ARHGAP24: variants seen among roughly 807,000 people sequenced by gnomAD.
ARHGAP24 encodes Rho GTPase activating protein 24, also known as rho GTPase-activating protein 24.
ARHGAP24 carries 50 observed loss-of-function variants against 76.4 expected under a neutral mutation model. The ratio of observed to expected loss-of-function variants is 0.65; its 90% CI spans 0.52 to 0.83. The LOEUF (loss-of-function observed/expected upper bound fraction) is 0.83. Ranked by LOEUF, ARHGAP24 falls within the 40% of genes least tolerant of loss-of-function variation. ARHGAP24 has a pLI of 0.00. For missense variants in ARHGAP24, 930 were observed against 914.2 expected (o/e 1.02, Z -0.22); for synonymous variants, 345 against 323.3 (o/e 1.07, Z -0.72).
intron 2 of ARHGAP24, among the ~76,000 whole-genome samples, chr4:85,633,737 T>G (rs1389359247): frequency 6.6e-6 from 1 of 151,842 alleles, no homozygotes; most frequent in Non-Finnish European, 1.5e-5. Flanking sequence ...AATTAATAGT[T>G]CAAAAGACAT....
At chr4:85,902,106 G>A (rs1734527916) in intron 3 of ARHGAP24, among the ~76,000 whole-genome samples, 1 of 152,146 alleles carries the variant, frequency 6.6e-6, no homozygotes. Context: ...TGAGTTTGCT[G>A]AGAATGATGG....
At chr4:85,539,866 C>T (rs532734852) in intron 1 of ARHGAP24, among the ~76,000 whole-genome samples, 6 of 152,046 alleles carry the variant, frequency 3.9e-5, no homozygotes, top group Non-Finnish European at 8.8e-5. Context: ...ACCAGCCTGC[C>T]AACATTGTGA....
chr4:85,579,161 A>T (rs1727505429), intron 2 of ARHGAP24, among the ~76,000 whole-genome samples: 1 of 152,032 alleles, frequency 6.6e-6, no homozygotes, highest in Non-Finnish European at 1.5e-5. Flanking sequence ...CTGGTTTCTC[A>T]GCACCAGTTG....
intron 5 of ARHGAP24, among the ~76,000 whole-genome samples, chr4:85,961,580 TGTG>T (rs1262690482): frequency 1.3e-5 from 2 of 152,078 alleles, no homozygotes; most frequent in Admixed American, 6.6e-5. Flanking sequence ...TCTCTAAACT[TGTG>T]GTGAATATGG....
At chr4:85,502,364 G>A (rs936650624) in intron 1 of ARHGAP24, among the ~76,000 whole-genome samples, 2 of 152,118 alleles carry the variant, frequency 1.3e-5, no homozygotes, top group African/African-American at 4.8e-5. Context: ...AGCATGGAAT[G>A]TTCTTCCATT....
intron 3 of ARHGAP24, among the ~76,000 whole-genome samples, chr4:85,848,907 G>C (rs115400104): frequency 6.6e-6 from 1 of 152,078 alleles, no homozygotes; most frequent in Non-Finnish European, 1.5e-5. Context: ...TTCTTTTTGC[G>C]TAGGACTGTC....
chr4:85,731,942 C>T (rs1423092362), intron 3 of ARHGAP24, among the ~76,000 whole-genome samples: 1 of 152,106 alleles, frequency 6.6e-6, no homozygotes, highest in African/African-American at 2.4e-5. Flanking sequence ...CATTAATACA[C>T]CAATAGTGTC....
At chr4:85,591,715 T>A (rs561737237) in intron 2 of ARHGAP24, among the ~76,000 whole-genome samples, 1 of 152,302 alleles carries the variant, frequency 6.6e-6, no homozygotes, top group Admixed American at 6.5e-5. Flanking sequence ...TCACGTGCAC[T>A]CTGACATTTT....
intron 1 of ARHGAP24, among the ~76,000 whole-genome samples, chr4:85,562,308 A>G (rs770649043): frequency 2.0e-5 from 3 of 152,224 alleles, no homozygotes; most frequent in Non-Finnish European, 4.4e-5. Flanking sequence ...TGTGATTACT[A>G]TGATAGTAAT....
chr4:85,881,619 T>C (rs1289714823), intron 3 of ARHGAP24, among the ~76,000 whole-genome samples: 1 of 129,818 alleles, frequency 7.7e-6, no homozygotes, highest in Non-Finnish European at 1.6e-5. Context: ...GCTTTCAAAT[T>C]GTGAAGCATA....
intron 2 of ARHGAP24, among the ~76,000 whole-genome samples, chr4:85,721,486 A>C (rs1248947851): frequency 6.6e-6 from 1 of 152,130 alleles, no homozygotes; most frequent in Admixed American, 6.6e-5. Context: ...GGCTTATCAC[A>C]ACTATGTCTA....
At chr4:85,758,019 A>G (rs1011088711) in intron 3 of ARHGAP24, among the ~76,000 whole-genome samples, 36 of 152,062 alleles carry the variant, frequency 2.4e-4, no homozygotes, top group Middle Eastern at 3.2e-3. Context: ...CCAATTCTTT[A>G]GGAACTTTCT....
intron 2 of ARHGAP24, among the ~76,000 whole-genome samples, chr4:85,642,880 T>C (rs527997422): frequency 1.3e-5 from 2 of 152,264 alleles, no homozygotes; most frequent in East Asian, 1.9e-4. Flanking sequence ...GAACAGAAGC[T>C]ATAAAGTCCC....
chr4:85,740,535 A>T (rs1354525018), intron 3 of ARHGAP24, among the ~76,000 whole-genome samples: 1 of 151,992 alleles, frequency 6.6e-6, no homozygotes, highest in Non-Finnish European at 1.5e-5. Context: ...CATCTTTTTC[A>T]TATCTATTAC....
At chr4:85,776,346 C>T (rs994453904) in intron 3 of ARHGAP24, among the ~76,000 whole-genome samples, 2 of 152,168 alleles carry the variant, frequency 1.3e-5, no homozygotes, top group South Asian at 4.1e-4. Context: ...CTTCAAAATA[C>T]AGTGAGTATT....
chr4:85,793,712 T>C lies in ARHGAP24; in HGVS notation c.268+71740T>C, dbSNP rs138946945. 1.2e-4 allele frequency among the ~76,000 whole-genome samples: 18 copies of C among 152,276 alleles called. No homozygotes were observed. The East Asian group carries it at 3.3e-3, about 28-fold the overall frequency. ...CACAAAAATAGAATGTTCTTATGTG[T>C]ACATAGAAAAGAAAATATAAGTAGT... On this transcript the variant is annotated intron_variant, in intron 3 of 9. Transcript: ENST00000395184.
At chr4:85,971,653 G>T (rs183667240) in intron 5 of ARHGAP24, among the ~76,000 whole-genome samples, 69 of 152,102 alleles carry the variant, frequency 4.5e-4, no homozygotes, top group African/African-American at 1.6e-3. Context: ...ATTTTTAAAT[G>T]TGCAATAAAT....
At chr4:85,916,225 G>T (rs895446199) in intron 3 of ARHGAP24, among the ~76,000 whole-genome samples, 20 of 148,128 alleles carry the variant, frequency 1.4e-4, no homozygotes, top group South Asian at 4.7e-4. Flanking sequence ...CTTTTGAGAA[G>T]TGTCTGTTCG....
chr4:85,755,959 A>G (rs940144134), intron 3 of ARHGAP24, among the ~76,000 whole-genome samples: 10 of 152,122 alleles, frequency 6.6e-5, no homozygotes, highest in Admixed American at 4.6e-4. Flanking sequence ...TTTTATACCA[A>G]TTGTGATTGG....
Sources: allele counts gnomAD v4.1 joint callset (sites outside exome capture counted in the v4.1 genomes callset), GRCh38; gene constraint gnomAD v4.1.1; transcripts MANE v1.5; gene names NCBI Gene and HGNC (gene_info 2026-07-23, HGNC 2026-07-21).